CENPU: variants seen among roughly 807,000 people sequenced by gnomAD.
The protein encoded by CENPU is centromere protein U.
A neutral mutation model predicts 56.7 loss-of-function variants in CENPU; 46 were observed. The ratio of observed to expected loss-of-function variants is 0.81; its 90% CI spans 0.64 to 1.04. The LOEUF (loss-of-function observed/expected upper bound fraction) is 1.04, where lower values mean the gene tolerates loss of function less well. Ranked by LOEUF, CENPU falls within the 50% of genes least tolerant of loss-of-function variation. The probability of loss-of-function intolerance (pLI) is 0.00; values close to 1 mark genes in which losing one functional copy is unlikely to be tolerated. For synonymous variants in CENPU, 166 were observed against 163.0 expected (o/e 1.02, Z -0.14); for missense variants, 510 against 490.1 (o/e 1.04, Z -0.38).
At chr4:184,715,568 C>G (rs1042699729) in intron 6 of CENPU, among the ~76,000 whole-genome samples, 2 of 152,180 alleles carry the variant, frequency 1.3e-5, no homozygotes, top group Non-Finnish European at 2.9e-5. Context: ...CTGCCTTGGC[C>G]TCCCAAAGTG....
At position 184,722,720 on chromosome 4, in the gene CENPU, A is replaced by AAAAC. The variant is rs1561142767; in HGVS notation, c.320+2236_320+2237insGTTT. On this transcript the variant is annotated intron_variant, in intron 4 of 12. Coordinates refer to ENST00000281453, the MANE Select transcript of CENPU (RefSeq NM_024629.4). ...CAAAACAAAACAAAACAAAACAAAA[A>AAAAC]AAAACTGTAACATAGGGCTAATCTC... Among the ~76,000 whole-genome samples the AAAAC allele has an allele frequency of 3.9e-4, 58 of 149,216 alleles. 1 individual carries two copies. In the Middle Eastern group the frequency reaches 0.01, roughly 27 times the overall value.
intron 4 of CENPU, among the ~76,000 whole-genome samples, chr4:184,720,298 A>C (rs889460313): frequency 2.0e-5 from 3 of 152,172 alleles, no homozygotes; most frequent in Non-Finnish European, 4.4e-5. Flanking sequence ...AGAAAGAATT[A>C]GTGAGCTTGA....
chr4:184,709,089 A>G (rs758242781), intron 8 of CENPU, among the ~76,000 whole-genome samples: 9 of 152,238 alleles, frequency 5.9e-5, no homozygotes, highest in Non-Finnish European at 1.3e-4. Flanking sequence ...ATGTTAATGG[A>G]CTAAACAGTT....
rs1033571161 is a variant in CENPU at position 184,694,589 on chromosome 4, C to T, written c.*699G>A. ...AATGAAACCCAGAATCCTCATAAAC[C>T]ATCACCTAGCAGGCTGTCAACAGGT... is the stretch of plus-strand genomic sequence containing the variant. On this transcript the variant is annotated 3_prime_UTR_variant, in exon 13 of 13. Coordinates refer to ENST00000281453, the MANE Select transcript of CENPU (RefSeq NM_024629.4). 12 of 1,613,942 alleles carry T rather than the reference C, an allele frequency of 7.4e-6. No individual in the cohort carries two copies. In the African/African-American group the frequency reaches 9.3e-5, roughly 13 times the overall value.
intron 1 of CENPU, chr4:184,733,546 C>T (rs1761732682): frequency 6.0e-6 from 2 of 331,574 alleles, no homozygotes; most frequent in Non-Finnish European, 8.8e-6. Context: ...CCGCAAGCGG[C>T]AGCTCGGTCC....
chr4:184,733,880 G>A, intron 1 of CENPU, 136 bp downstream of exon 1: 1 of 1,166,946 alleles, frequency 8.6e-7, no homozygotes, highest in South Asian at 1.3e-5. Flanking sequence ...AGGAAGCCGG[G>A]GACCCGGGCG....
intron 11 of CENPU, among the ~76,000 whole-genome samples, chr4:184,700,109 A>G (rs1760482600): frequency 6.6e-6 from 1 of 152,150 alleles, no homozygotes; most frequent in South Asian, 2.1e-4. Flanking sequence ...TTTACTACCA[A>G]GCCTCTAGCT....
Position 184,734,070 on chromosome 4 carries a change from C to A in CENPU, c.-8G>T. The A allele has an allele frequency of 6.4e-7, 1 of 1,550,748 alleles. No individual in the cohort carries two copies. On this transcript the variant is annotated 5_prime_UTR_variant, in exon 1 of 13. Transcript: ENST00000281453. ...CCGCCCCCGCGGGGCCATGGTGCCG[C>A]TCTCCGCTCTCGAGCGACTGGAAGC...
At chr4:184,723,658 A>G (rs752196291) in intron 4 of CENPU, among the ~76,000 whole-genome samples, 2 of 151,814 alleles carry the variant, frequency 1.3e-5, no homozygotes, top group Non-Finnish European at 2.9e-5. Flanking sequence ...CCTGGCCAAC[A>G]TGGTGAAACT....
chr4:184,732,108 AAAAC>A lies in CENPU; in HGVS notation c.48-1144_48-1141del, dbSNP rs564536246. The stretch of plus-strand genomic sequence containing the variant: ...AGATTGCCAGGCCAGCATTTTTAAA[AAAAC>A]AAACAATAAAAAAGGAAAATATAAA... On this transcript the variant is annotated intron_variant, in intron 1 of 12. Coordinates refer to ENST00000281453, the MANE Select transcript of CENPU (RefSeq NM_024629.4). Among the ~76,000 whole-genome samples, 34 of 152,362 alleles carry A rather than the reference AAAAC, an allele frequency of 2.2e-4. No individual in the cohort carries two copies. In the South Asian group the frequency reaches 6.6e-3, roughly 30 times the overall value.
At chr4:184,727,332 GAAA>G (rs1414317067) in intron 3 of CENPU, among the ~76,000 whole-genome samples, 1 of 152,146 alleles carries the variant, frequency 6.6e-6, no homozygotes, top group African/African-American at 2.4e-5. Context: ...TAGGAAAGAT[GAAA>G]AAGTTCTGGA....
At chr4:184,709,378 T>C (rs28516797) in intron 8 of CENPU, among the ~76,000 whole-genome samples, 26,991 of 151,604 alleles carry the variant, frequency 0.18, 2,706 homozygotes, top group African/African-American at 0.26. Flanking sequence ...TCCCAGCTAC[T>C]TGGGAGGCTG....
At chr4:184,729,088 G>T in intron 2 of CENPU, 53 bp from the exon 3 acceptor site, 1 of 1,318,970 alleles carries the variant, frequency 7.6e-7, no homozygotes, top group Non-Finnish European at 1.1e-6. Context: ...AGAACAATAG[G>T]TTGATTTATA....
chr4:184,719,637 G>A (rs1230405874), intron 4 of CENPU, among the ~76,000 whole-genome samples: 1 of 152,176 alleles, frequency 6.6e-6, no homozygotes, highest in East Asian at 1.9e-4. Context: ...GTAGGGGCAT[G>A]TGACCTACTG....
intron 4 of CENPU, among the ~76,000 whole-genome samples, chr4:184,722,921 T>C (rs1373177691): frequency 6.6e-6 from 1 of 152,198 alleles, no homozygotes; most frequent in Non-Finnish European, 1.5e-5. Flanking sequence ...ACCTATCACA[T>C]TGGCAAAAAT....
At chr4:184,724,840 A>G (rs1243283945) in intron 4 of CENPU, 117 bp downstream of exon 4, 5 of 629,936 alleles carry the variant, frequency 7.9e-6, no homozygotes, top group Non-Finnish European at 1.4e-5. Context: ...GAGAAAAAGC[A>G]TAACAAGTTG....
chr4:184,717,169 A>C lies in CENPU; in HGVS notation c.348T>G (p.Ser116Arg). 1 of 1,612,550 alleles carries C rather than the reference A, an allele frequency of 6.2e-7. No individual in the cohort carries two copies. The highest frequency in any genetic ancestry group is 8.5e-7 in the Non-Finnish European group (1 of 1,179,704). Reference protein sequence around the residue: ...RSSDTSGNEASEIESVKISAK... With the variant: ...RSSDTSGNEAREIESVKISAK... ...CACTAATTTTTACAGATTCGATTTC[A>C]CTTGCTTCATTTCCAGAAGTGTCTG... is the stretch of plus-strand genomic sequence containing the variant. Residue 116 changes from serine (S) to arginine (R), a missense_variant, in exon 5 of 13, where the codon AGT (serine) becomes AGG (arginine). Physicochemically the swap from Ser to Arg is moderately radical, Grantham distance 110. Coordinates refer to ENST00000281453, the MANE Select transcript of CENPU (RefSeq NM_024629.4).
Position 184,695,075 on chromosome 4 carries a change from A to T in CENPU, c.*213T>A. 3.7e-6 allele frequency: 2 copies of T among 538,792 alleles called. No individual in the cohort carries two copies. The highest frequency in any genetic ancestry group is 6.6e-6 in the Non-Finnish European group (2 of 303,146). The allele number at this position is 538,792 out of a possible 1,614,324, so 33.4% of individuals were successfully genotyped here. A position where few individuals can be genotyped will look rare whatever the true frequency, so the allele number is the denominator to read the frequency against. Reference sequence around the variant, plus strand: ...TCAACATTTTAAAATTACTCAAGATATTAACCAGAAAAGATGATTATGGCC... The same window carrying T: ...TCAACATTTTAAAATTACTCAAGATTTTAACCAGAAAAGATGATTATGGCC... On this transcript the variant is annotated 3_prime_UTR_variant, in exon 13 of 13. Coordinates refer to ENST00000281453, the MANE Select transcript of CENPU (RefSeq NM_024629.4).
chr4:184,727,582 C>T (rs1022322251), intron 3 of CENPU, among the ~76,000 whole-genome samples: 16 of 152,180 alleles, frequency 1.1e-4, no homozygotes, highest in African/African-American at 3.4e-4. Flanking sequence ...GTGGTGCAGC[C>T]GCTTTGTAAA....
Sources: allele counts gnomAD v4.1 joint callset (sites outside exome capture counted in the v4.1 genomes callset), GRCh38; gene constraint gnomAD v4.1.1; transcripts MANE v1.5; gene names NCBI Gene and HGNC (gene_info 2026-07-23, HGNC 2026-07-21).